Variants in CASK observed in about 807,000 individuals in gnomAD.
CASK encodes peripheral plasma membrane protein CASK.
CASK carries 4 observed loss-of-function variants against 82.9 expected under a neutral mutation model. The observed-to-expected ratio is 0.05, with a 90% CI of 0.02 to 0.11. The LOEUF (loss-of-function observed/expected upper bound fraction) is 0.11, where lower values mean the gene tolerates loss of function less well. Ranked by LOEUF, CASK falls within the 10% of genes least tolerant of loss-of-function variation. CASK has a pLI of 1.00. For missense variants in CASK, 358 were observed against 720.9 expected, an observed-to-expected ratio of 0.50 and a Z score of 5.76; for synonymous variants, 259 against 253.5, an observed-to-expected ratio of 1.02 and a Z score of -0.20.
At chrX:41,719,758 A>G (rs766294204) in intron 5 of CASK, among the ~76,000 whole-genome samples, 3 of 112,119 alleles carry the variant, frequency 2.7e-5, no homozygotes, top group Non-Finnish European at 3.8e-5. Flanking sequence ...AGAACTTCTT[A>G]AAAAAGGCAA....
At chrX:41,640,435 C>T (rs189000642) in intron 8 of CASK, among the ~76,000 whole-genome samples, 92 of 111,329 alleles carry the variant, frequency 8.3e-4, no homozygotes, top group African/African-American at 2.7e-3. Context: ...ATCTCCTGAC[C>T]TTGTGATCTG....
At chrX:41,722,024 C>T (rs1256225213) in intron 5 of CASK, among the ~76,000 whole-genome samples, 1 of 112,245 alleles carries the variant, frequency 8.9e-6, no homozygotes, top group Non-Finnish European at 1.9e-5. Flanking sequence ...TCTGTGACCT[C>T]CACATGCTGC....
intron 1 of CASK, among the ~76,000 whole-genome samples, chrX:41,875,017 A>T (rs1409225010): frequency 8.9e-6 from 1 of 112,561 alleles, no homozygotes; most frequent in Non-Finnish European, 1.9e-5. Flanking sequence ...AATGTTTATC[A>T]ATCTTAATAA....
chrX:41,822,760 G>C lies in CASK; in HGVS notation c.172+30355C>G, dbSNP rs149264870. Among the ~76,000 whole-genome samples, 254 of 108,892 alleles carry C rather than the reference G, an allele frequency of 2.3e-3. 1 individual carries two copies. Among genetic ancestry groups the C allele is most frequent in the African/African-American group, 8.1e-3 (241 of 29,802 alleles). The allele number at this position is 108,892 out of a possible 115,157, so 94.6% of individuals were successfully genotyped here. A position where few individuals can be genotyped will look rare whatever the true frequency, so the allele number is the denominator to read the frequency against. The stretch of plus-strand genomic sequence containing the variant: ...TGATGTCGTGAAAACTATTGTGACT[G>C]GTGAGGAGACTGACCAACTAGAATA... On this transcript the variant is annotated intron_variant, in intron 2 of 26. Transcript: ENST00000378163.
At chrX:41,864,088 C>T (rs1383231938) in intron 1 of CASK, among the ~76,000 whole-genome samples, 1 of 111,415 alleles carries the variant, frequency 9.0e-6, no homozygotes, top group Admixed American at 9.5e-5. Context: ...CTGTGGAATA[C>T]CGTTAATCTC....
At chrX:41,606,417 C>G (rs1489092520) in intron 12 of CASK, among the ~76,000 whole-genome samples, 2 of 111,777 alleles carry the variant, frequency 1.8e-5, no homozygotes, top group Non-Finnish European at 3.8e-5. Context: ...GGGTGCCCAC[C>G]ACATTTTTGT....
intron 1 of CASK, among the ~76,000 whole-genome samples, chrX:41,861,713 G>T (rs1420829136): frequency 1.0e-5 from 1 of 100,364 alleles, no homozygotes; most frequent in Non-Finnish European, 2.0e-5. Context: ...ATATGTGTGT[G>T]CGTGTATATA....
At chrX:41,612,688 G>A (rs1225718628) in intron 11 of CASK, among the ~76,000 whole-genome samples, 3 of 85,904 alleles carry the variant, frequency 3.5e-5, no homozygotes, top group African/African-American at 8.9e-5. Flanking sequence ...CAGCCGCCCC[G>A]TCCGGGAGGG....
At chrX:41,853,562 A>G (rs1056129920) in intron 1 of CASK, among the ~76,000 whole-genome samples, 4 of 111,892 alleles carry the variant, frequency 3.6e-5, no homozygotes, top group African/African-American at 1.3e-4. Flanking sequence ...AACATCTTAA[A>G]CAAAATAAGT....
chrX:41,730,662 A>T (rs1185651602), intron 5 of CASK, among the ~76,000 whole-genome samples: 1 of 111,124 alleles, frequency 9.0e-6, no homozygotes, highest in Non-Finnish European at 1.9e-5. Flanking sequence ...TCCATCAGGG[A>T]GAGTTCCTGA....
intron 8 of CASK, among the ~76,000 whole-genome samples, chrX:41,659,272 G>C (rs1420323519): frequency 9.2e-6 from 1 of 108,987 alleles, no homozygotes; most frequent in Non-Finnish European, 1.9e-5. Context: ...CTGTCACCCA[G>C]GCTGGAGTAT....
intron 1 of CASK, among the ~76,000 whole-genome samples, chrX:41,853,787 T>C (rs2071311150): frequency 8.9e-6 from 1 of 112,211 alleles, no homozygotes; most frequent in East Asian, 2.8e-4. Context: ...CCATTCATTC[T>C]TGTAATGATA....
chrX:41,806,978 A>T (rs1188534673), intron 2 of CASK, among the ~76,000 whole-genome samples: 1 of 111,813 alleles, frequency 8.9e-6, no homozygotes, highest in Admixed American at 9.5e-5. Context: ...GTTTTACATG[A>T]TTATAAAAAA....
intron 14 of CASK, among the ~76,000 whole-genome samples, chrX:41,581,174 T>C (rs6610595): frequency 0.025 from 2,712 of 109,484 alleles, 91 homozygotes; most frequent in African/African-American, 0.085. Flanking sequence ...AGCTCAGGAG[T>C]TCAAGACCAG....
At chrX:41,745,300 G>A in intron 4 of CASK, among the ~76,000 whole-genome samples, 1 of 111,912 alleles carries the variant, frequency 8.9e-6, no homozygotes, top group South Asian at 3.7e-4. Context: ...ACAGGCGTGA[G>A]CCACCGTGCC....
intron 3 of CASK, among the ~76,000 whole-genome samples, chrX:41,754,535 T>C (rs1179240166): frequency 8.9e-6 from 1 of 111,977 alleles, no homozygotes; most frequent in Non-Finnish European, 1.9e-5. Context: ...AAGACAAACA[T>C]ATTCAAGAAA....
intron 2 of CASK, among the ~76,000 whole-genome samples, chrX:41,845,000 G>A (rs772887918): frequency 3.6e-5 from 4 of 111,562 alleles, no homozygotes; most frequent in South Asian, 3.7e-4. Context: ...ATTTGCTTCC[G>A]TTATTGATTT....
chrX:41,697,357 C>T (rs1381877183), intron 5 of CASK: 2 of 121,073 alleles, frequency 1.7e-5, no homozygotes, highest in Non-Finnish European at 3.8e-5. Flanking sequence ...GATAAGCTAA[C>T]GATTCAATAG....
intron 1 of CASK, among the ~76,000 whole-genome samples, chrX:41,878,804 T>C (rs2071885816): frequency 9.0e-6 from 1 of 110,847 alleles, no homozygotes; most frequent in Non-Finnish European, 1.9e-5. Context: ...GTTCAGTGTA[T>C]CTTAAAATCT....
Sources: allele counts gnomAD v4.1 joint callset (sites outside exome capture counted in the v4.1 genomes callset), GRCh38; gene constraint gnomAD v4.1.1; transcripts MANE v1.5; gene names NCBI Gene and HGNC (gene_info 2026-07-23, HGNC 2026-07-21).